Variants in IFT122 observed in about 807,000 individuals in gnomAD.
IFT122 encodes the protein intraflagellar transport protein 122 homolog.
Under a neutral mutation model 161.6 loss-of-function variants are expected in IFT122, and 118 were observed. That is an observed-to-expected ratio of 0.73 (90% CI 0.63 to 0.85). The LOEUF is 0.85. Ranked by LOEUF, IFT122 falls within the 40% of genes least tolerant of loss-of-function variation. The pLI is 0.00. For synonymous variants in IFT122, 550 were observed against 602.4 expected (o/e 0.91, Z 1.27); for missense variants, 1,381 against 1,579.6 (o/e 0.87, Z 2.13).
intron 8 of IFT122, 152 bp downstream of exon 8, chr3:129,467,218 C>G: frequency 1.5e-6 from 1 of 676,640 alleles, no homozygotes; most frequent in Non-Finnish European, 2.6e-6. Flanking sequence ...GAGACATACC[C>G]TTAAAACTTG....
chr3:129,506,453 G>A lies in IFT122; in HGVS notation c.2695G>A (p.Glu899Lys). 6.2e-7 allele frequency: 1 copy of A among 1,614,172 alleles called. No homozygotes were observed. The highest frequency in any genetic ancestry group is 2.2e-5 in the East Asian group (1 of 44,888). ...GRQREAVQVLEQLTNNAVAES... is the reference protein window; with the variant it reads ...GRQREAVQVLKQLTNNAVAES... Reference sequence around the variant, plus strand: ...ACAGAGAGAAGCGGTCCAGGTGCTGGAGCAGCTCACAAACAATGCCGTGGC... The same window carrying A: ...ACAGAGAGAAGCGGTCCAGGTGCTGAAGCAGCTCACAAACAATGCCGTGGC... The change falls in exon 22 of 30, where the codon GAG (glutamate) becomes AAG (lysine). Residue 899 changes from glutamate (E) to lysine (K), a missense_variant. Glu to Lys is a moderately conservative substitution (Grantham distance 56). This residue lies in a region of IFT122 where 496 missense variants were observed against 502.5 expected (regional missense o/e 0.99). Transcript: ENST00000348417.
At chr3:129,460,679 T>A (rs2076121838) in intron 4 of IFT122, among the ~76,000 whole-genome samples, 1 of 152,232 alleles carries the variant, frequency 6.6e-6, no homozygotes, top group African/African-American at 2.4e-5. Context: ...TGAATAATGC[T>A]GCTATGAACA....
chr3:129,512,680 A>AT, intron 24 of IFT122: 1 of 518,858 alleles, frequency 1.9e-6, no homozygotes, highest in East Asian at 3.6e-5. Context: ...AATCCCTCCT[A>AT]GAACCCACAG....
Position 129,465,727 on chromosome 3 carries a change from C to T in IFT122, c.563+946C>T, listed in dbSNP as rs184681164. 9.0e-3 allele frequency among the ~76,000 whole-genome samples: 1,154 copies of T among 127,938 alleles called. 15 individuals carry two copies. Among genetic ancestry groups the T allele is most frequent in the Non-Finnish European group, 0.012 (810 of 65,386 alleles). The allele number at this position is 127,938 out of a possible 152,430, so 83.9% of individuals were successfully genotyped here. On this transcript the variant is annotated intron_variant, in intron 7 of 29. Coordinates refer to ENST00000348417, the MANE Select transcript of IFT122 (RefSeq NM_052989.3). ...GCGCAATCTCGGCTCACTGCAAGCT[C>T]CGCTTCCCGGGTTCACGCCATTCTC... is the stretch of plus-strand genomic sequence containing the variant.
chr3:129,445,635 G>A (rs1041204128), intron 1 of IFT122, among the ~76,000 whole-genome samples: 1 of 152,208 alleles, frequency 6.6e-6, no homozygotes, highest in Non-Finnish European at 1.5e-5. Flanking sequence ...GCAGCATAGC[G>A]CGTTAATTAC....
rs139561230 is a variant in IFT122 at position 129,512,094 on chromosome 3, C to CAGT, written c.2887-216_2887-214dup. ...TCTATCTAGGTGTCGGTTTCCTCAT[C>CAGT]AGTACTGTGAGGATAAAAATGCATA... On this transcript the variant is annotated intron_variant, in intron 23 of 29. Transcript: ENST00000348417. 6.5e-3 allele frequency among the ~76,000 whole-genome samples: 989 copies of CAGT among 152,246 alleles called. 6 individuals carry two copies. Among genetic ancestry groups the CAGT allele is most frequent in the African/African-American group, 0.023 (962 of 41,538 alleles).
Position 129,500,025 on chromosome 3 carries a change from G to A in IFT122, c.2332G>A (p.Val778Ile), listed in dbSNP as rs139943115. ...GATGTACATCTCAGCAGGAGAGCAC[G>A]TCAAGGCCATCGAGATCTGTGGTGA... ...VEMYISAGEH[V>I]KAIEICGDHG... The change falls in exon 19 of 30, where the codon GTC (valine) becomes ATC (isoleucine). Residue 778 changes from valine (V) to isoleucine (I), a missense_variant. By Grantham distance (29) the Val-to-Ile change is conservative. Transcript: ENST00000348417. 9.9e-6 allele frequency: 16 copies of A among 1,614,238 alleles called. No individual in the cohort carries two copies. The highest frequency in any genetic ancestry group is 6.7e-5 in the East Asian group (3 of 44,894).
intron 27 of IFT122, 115 bp from the exon 28 acceptor site, chr3:129,518,992 G>A (rs2084381907): frequency 1.1e-6 from 1 of 890,560 alleles, no homozygotes; most frequent in Non-Finnish European, 1.9e-6. Flanking sequence ...CCTCCACCTG[G>A]AAAACTCTTC....
At chr3:129,514,280 C>G (rs867019922) in intron 24 of IFT122, 109 bp from the exon 25 acceptor site, 2 of 1,258,012 alleles carry the variant, frequency 1.6e-6, no homozygotes. Context: ...CTCTGCCTTC[C>G]CGGCACCAGC....
chr3:129,492,881 C>T (rs905969035), intron 17 of IFT122, among the ~76,000 whole-genome samples: 5 of 149,294 alleles, frequency 3.3e-5, no homozygotes, highest in East Asian at 2.0e-4. Context: ...CGCAGTGGCA[C>T]GATCACAGCT....
intron 19 of IFT122, 145 bp downstream of exon 19, chr3:129,500,213 G>T: frequency 1.0e-6 from 1 of 996,312 alleles, no homozygotes; most frequent in South Asian, 1.4e-5. Context: ...CACAGAGATT[G>T]CACAAGGCAG....
intron 24 of IFT122, 43 bp from the exon 25 acceptor site, chr3:129,514,346 G>T: frequency 6.2e-7 from 1 of 1,609,590 alleles, no homozygotes. Flanking sequence ...CCAGCTCCTG[G>T]GCCTGGTGTT....
chr3:129,475,045 C>T (rs2077754043), intron 9 of IFT122, among the ~76,000 whole-genome samples: 2 of 152,070 alleles, frequency 1.3e-5, no homozygotes, highest in Non-Finnish European at 2.9e-5. Flanking sequence ...GTCCCAGCTA[C>T]TGGGGGTGGT....
At chr3:129,442,232 A>G (rs903038211) in intron 1 of IFT122, among the ~76,000 whole-genome samples, 2 of 149,128 alleles carry the variant, frequency 1.3e-5, no homozygotes, top group Non-Finnish European at 3.0e-5. Context: ...TCTGTTGAGC[A>G]TAAGAGTTAA....
chr3:129,475,393 T>C (rs1397720480), intron 9 of IFT122, among the ~76,000 whole-genome samples: 1 of 152,214 alleles, frequency 6.6e-6, no homozygotes, highest in Non-Finnish European at 1.5e-5. Context: ...GACTCACTCC[T>C]GTAATCCCAG....
At chr3:129,492,873 C>CA (rs1425120183) in intron 17 of IFT122, among the ~76,000 whole-genome samples, 2 of 148,888 alleles carry the variant, frequency 1.3e-5, no homozygotes, top group African/African-American at 5.0e-5. Context: ...GGCTCAAGCG[C>CA]AGTGGCACGA....
intron 26 of IFT122, among the ~76,000 whole-genome samples, chr3:129,516,906 G>A (rs2083881164): frequency 1.8e-5 from 2 of 113,500 alleles, no homozygotes; most frequent in Admixed American, 1.0e-4. Flanking sequence ...CAGACACACA[G>A]AGACCGCTCC....
intron 11 of IFT122, among the ~76,000 whole-genome samples, chr3:129,477,028 A>C (rs544194618): frequency 6.6e-6 from 1 of 152,010 alleles, no homozygotes; most frequent in East Asian, 1.9e-4. Flanking sequence ...TCTCTGAAAA[A>C]TGTACCAACT....
rs756798452 is a variant in IFT122, at chr3:129,500,071, A to G, written c.2375+3A>G. The G allele has an allele frequency of 8.1e-6, 13 of 1,614,164 alleles. No individual in the cohort carries two copies. In the South Asian group the frequency reaches 1.3e-4, roughly 16 times the overall value. On this transcript the variant is annotated splice_donor_region_variant and intron_variant, in intron 19 of 29. Transcript: ENST00000348417. ...GGTGACCATGGCTGGGTTGACATGT[A>G]GGTTTTGGTCCCTGCCCCGAGAAGC... is the stretch of plus-strand genomic sequence containing the variant.
Sources: allele counts gnomAD v4.1 joint callset (sites outside exome capture counted in the v4.1 genomes callset), GRCh38; gene constraint gnomAD v4.1.1; regional missense constraint gnomAD v4.1.1; transcripts MANE v1.5; gene names NCBI Gene and HGNC (gene_info 2026-07-23, HGNC 2026-07-21).